The following GRID2 variants were observed in gnomAD, a reference collection of about 807,000 sequenced individuals.
The protein encoded by GRID2 is glutamate receptor ionotropic, delta-2.
Under a neutral mutation model 114.8 loss-of-function variants are expected in GRID2, and 33 were observed. The observed-to-expected ratio is 0.29, with a 90% CI of 0.22 to 0.38. The LOEUF (loss-of-function observed/expected upper bound fraction) is 0.38. Ranked by LOEUF, GRID2 falls within the 10% of genes least tolerant of loss-of-function variation. The pLI is 1.00. For missense variants in GRID2, 1,184 were observed against 1,257.7 expected (o/e 0.94, Z 0.89); for synonymous variants, 505 against 449.9 (o/e 1.12, Z -1.55).
At chr4:93,008,953 CT>C (rs1721840090) in intron 2 of GRID2, among the ~76,000 whole-genome samples, 2 of 152,190 alleles carry the variant, frequency 1.3e-5, no homozygotes, top group Admixed American at 6.6e-5. Context: ...ACCATATGTT[CT>C]CTTCACAAAG....
intron 2 of GRID2, among the ~76,000 whole-genome samples, chr4:92,698,858 G>A (rs1734539356): frequency 1.3e-5 from 2 of 151,950 alleles, no homozygotes; most frequent in Admixed American, 6.6e-5. Context: ...ATATTGTCCC[G>A]ACGCAAAATT....
chr4:93,504,649 T>G (rs1728452718), intron 12 of GRID2, among the ~76,000 whole-genome samples: 1 of 152,100 alleles, frequency 6.6e-6, no homozygotes, highest in Admixed American at 6.6e-5. Flanking sequence ...GTATAAACCA[T>G]CTGTCAATTA....
chr4:93,161,309 G>T (rs1737666091), intron 4 of GRID2, among the ~76,000 whole-genome samples: 1 of 151,808 alleles, frequency 6.6e-6, no homozygotes, highest in East Asian at 1.9e-4. Flanking sequence ...TAACTTCTGA[G>T]GTTTGAGCAG....
chr4:93,264,559 G>A (rs1476616660), intron 8 of GRID2, among the ~76,000 whole-genome samples: 2 of 151,124 alleles, frequency 1.3e-5, no homozygotes, highest in Non-Finnish European at 2.9e-5. Flanking sequence ...CGAAGACATG[G>A]GAAACCTGGG....
Position 93,169,143 on chromosome 4 carries a change from TACACACACACAC to T in GRID2, c.736-38231_736-38220del, listed in dbSNP as rs33953002. Among the ~76,000 whole-genome samples, 75 of 138,192 alleles carry T rather than the reference TACACACACACAC, an allele frequency of 5.4e-4. No individual in the cohort carries two copies. In the East Asian group the frequency reaches 6.5e-3, roughly 12 times the overall value. The allele number at this position is 138,192 out of a possible 152,430, so 90.7% of individuals were successfully genotyped here. On this transcript the variant is annotated intron_variant, in intron 4 of 15. Coordinates refer to ENST00000282020, the MANE Select transcript of GRID2 (RefSeq NM_001510.4). ...AGTGGCTTTTTTCAACACAATGAAA[TACACACACACAC>T]ACACACACACACACACACACACACA...
At chr4:92,488,256 T>C (rs1403268646) in intron 1 of GRID2, among the ~76,000 whole-genome samples, 1 of 152,098 alleles carries the variant, frequency 6.6e-6, no homozygotes, top group Non-Finnish European at 1.5e-5. Flanking sequence ...TGACAACCAG[T>C]GAGAAAAAGC....
chr4:92,533,238 A>G (rs1489960095), intron 1 of GRID2, among the ~76,000 whole-genome samples: 3 of 149,990 alleles, frequency 2.0e-5, no homozygotes, highest in Non-Finnish European at 3.0e-5. Flanking sequence ...ACTTGGATTT[A>G]AATCTGTATG....
At chr4:93,273,451 A>G (rs1360398156) in intron 8 of GRID2, among the ~76,000 whole-genome samples, 2 of 103,250 alleles carry the variant, frequency 1.9e-5, no homozygotes, top group African/African-American at 9.5e-5. Flanking sequence ...TGTGGTAGTC[A>G]GAATAATATC....
At chr4:92,773,501 T>C (rs1418275630) in intron 2 of GRID2, among the ~76,000 whole-genome samples, 1 of 152,188 alleles carries the variant, frequency 6.6e-6, no homozygotes, top group African/African-American at 2.4e-5. Context: ...CATTTGAAGA[T>C]ACTTCTTTGC....
At chr4:93,327,745 T>G (rs1579692488) in intron 8 of GRID2, among the ~76,000 whole-genome samples, 2 of 141,882 alleles carry the variant, frequency 1.4e-5, no homozygotes, top group South Asian at 2.4e-4. Flanking sequence ...AGGGTGGGGG[T>G]CAAGTGGGGG....
At chr4:93,325,034 C>T (rs1757678988) in intron 8 of GRID2, among the ~76,000 whole-genome samples, 1 of 152,072 alleles carries the variant, frequency 6.6e-6, no homozygotes, top group South Asian at 2.1e-4. Flanking sequence ...GTCTCTATCT[C>T]CTTCAGTTCT....
intron 2 of GRID2, among the ~76,000 whole-genome samples, chr4:92,706,236 T>A (rs185959532): frequency 8.5e-5 from 13 of 152,298 alleles, no homozygotes; most frequent in Admixed American, 7.8e-4. Flanking sequence ...ATGTTACAGT[T>A]CAAGATGAGA....
chr4:93,474,633 C>A (rs1725151186), intron 11 of GRID2, among the ~76,000 whole-genome samples: 1 of 151,912 alleles, frequency 6.6e-6, no homozygotes, highest in South Asian at 2.1e-4. Flanking sequence ...AAATCAGAAC[C>A]CTTGGTGGAA....
In GRID2 at chr4:93,774,212, CA is replaced by C. The variant is rs1186062687; in HGVS notation, c.*1715del. ...TTCAAATATTGTCTACTGTGTAAGG[CA>C]GAAAAATTTCTTATCATGCAAAAAC... On this transcript the variant is annotated 3_prime_UTR_variant, in exon 16 of 16. Transcript: ENST00000282020. 3 of 152,056 alleles carry C rather than the reference CA, an allele frequency of 2.0e-5. No homozygotes were observed. Among genetic ancestry groups the C allele is most frequent in the Admixed American group, 2.0e-4 (3 of 15,248 alleles). 9.4% of individuals were successfully genotyped at this position (152,056 alleles called of 1,614,324 possible).
At chr4:93,604,915 T>A (rs936933436) in intron 13 of GRID2, among the ~76,000 whole-genome samples, 2 of 152,198 alleles carry the variant, frequency 1.3e-5, no homozygotes, top group African/African-American at 4.8e-5. Context: ...GGCATAACCT[T>A]TATATGTACT....
At chr4:92,441,016 G>A (rs1733031504) in intron 1 of GRID2, among the ~76,000 whole-genome samples, 1 of 151,818 alleles carries the variant, frequency 6.6e-6, no homozygotes, top group Non-Finnish European at 1.5e-5. Flanking sequence ...TGATTTTGAG[G>A]GCCTCTAAAA....
chr4:92,773,316 G>A lies in GRID2; in HGVS notation c.244+183030G>A, dbSNP rs79089481. ...GCTTTACATTCATTTTAACAGATTA[G>A]GTTCTAGTTCCCTAAAATACCAAGA... is the stretch of plus-strand genomic sequence containing the variant. On this transcript the variant is annotated intron_variant, in intron 2 of 15. Coordinates refer to ENST00000282020, the MANE Select transcript of GRID2 (RefSeq NM_001510.4). 1.3e-3 allele frequency among the ~76,000 whole-genome samples: 202 copies of A among 152,218 alleles called. 5 individuals are homozygous for A. The East Asian group carries it at 0.036, about 27-fold the overall frequency.
chr4:92,940,347 T>A (rs1244092681), intron 2 of GRID2, among the ~76,000 whole-genome samples: 1 of 146,994 alleles, frequency 6.8e-6, no homozygotes, highest in East Asian at 2.2e-4. Context: ...GGGAGTTCAC[T>A]CATAATTTGG....
At chr4:92,922,486 A>AC (rs1226640408) in intron 2 of GRID2, among the ~76,000 whole-genome samples, 10 of 151,146 alleles carry the variant, frequency 6.6e-5, no homozygotes, top group East Asian at 2.0e-4. Flanking sequence ...CCATCTCTCC[A>AC]CCCCCCCAGA....
Sources: gnomAD v4.1 joint callset for allele counts (sites outside exome capture counted in the v4.1 genomes callset) on GRCh38, gnomAD v4.1.1 for gene constraint, MANE v1.5 for transcripts, NCBI Gene and HGNC (gene_info 2026-07-23, HGNC 2026-07-21) for gene names.